The following GAK variants were observed in gnomAD, a reference collection of about 807,000 sequenced individuals.
GAK encodes cyclin G associated kinase, also known as cyclin-G-associated kinase.
In GAK, 79 loss-of-function variants were observed where a neutral mutation model predicts 143.9. The observed-to-expected ratio is 0.55, with a 90% CI of 0.46 to 0.66. GAK has a LOEUF of 0.66. Among genes scored for constraint, GAK ranks in the 30% least tolerant of loss-of-function variants. GAK has a pLI of 0.00. For synonymous variants in GAK, 881 were observed against 765.5 expected, an observed-to-expected ratio of 1.15 and a Z score of -2.49; for missense variants, 1,693 against 1,779.7, an observed-to-expected ratio of 0.95 and a Z score of 0.88.
chr4:890,771 C>T, intron 9 of GAK, 149 bp from the exon 10 acceptor site: 1 of 628,892 alleles, frequency 1.6e-6, no homozygotes, highest in Non-Finnish European at 2.7e-6. Context: ...TTCCCACAGG[C>T]TGAAGCATCA....
chr4:859,283 C>T, intron 24 of GAK: 1 of 1,273,644 alleles, frequency 7.9e-7, no homozygotes, highest in Non-Finnish European at 1.0e-6. Context: ...GAGCAGAGCC[C>T]AGCTACACCC....
intron 1 of GAK, among the ~76,000 whole-genome samples, chr4:924,138 T>G (rs1255504591): frequency 1.5e-5 from 2 of 133,106 alleles, no homozygotes; most frequent in Non-Finnish European, 3.0e-5. Context: ...TGAGCCAAGA[T>G]GGAGCCACTG....
intron 1 of GAK, among the ~76,000 whole-genome samples, chr4:920,176 C>T (rs1409073623): frequency 1.3e-5 from 2 of 151,750 alleles, no homozygotes; most frequent in South Asian, 2.1e-4. Context: ...GGTATGGTGG[C>T]GGGCACCTGT....
intron 1 of GAK, among the ~76,000 whole-genome samples, chr4:920,243 G>C (rs1385754811): frequency 6.6e-6 from 1 of 151,630 alleles, no homozygotes; most frequent in Non-Finnish European, 1.5e-5. Context: ...GGGAGGCGGA[G>C]GTTGCAGTGA....
intron 5 of GAK, among the ~76,000 whole-genome samples, chr4:901,365 CCTTGGGCCTCCCACCCGGGGCACA>C (rs1215729675): frequency 6.6e-6 from 1 of 150,668 alleles, no homozygotes; most frequent in Admixed American, 6.6e-5. Flanking sequence ...AGAGCCACGG[CCTTGGGCCTCCCACCCGGGGCACA>C]CGTGGAGAGC....
At position 926,195 on chromosome 4, in the gene GAK, A is replaced by C. The variant is rs547147655; in HGVS notation, c.145+5848T>G. On this transcript the variant is annotated intron_variant, in intron 1 of 27. Transcript: ENST00000314167. ...AGTGACCTCCCCCAATGGTGAGCCC[A>C]CCCATGGGGTCCTCCCCAAGAGTGA... Among the ~76,000 whole-genome samples, 251 of 152,122 alleles carry C rather than the reference A, an allele frequency of 1.6e-3. 1 individual carries two copies. The highest frequency in any genetic ancestry group is 5.6e-3 in the African/African-American group (232 of 41,504).
intron 24 of GAK, 108 bp downstream of exon 24, chr4:859,498 G>A (rs527531712): frequency 5.0e-6 from 8 of 1,599,840 alleles, no homozygotes; most frequent in Admixed American, 3.3e-5. Context: ...GGGGGTCTTA[G>A]TGAACAGAGG....
In GAK at chr4:896,660, C is replaced by T. The variant is rs1420459877; in HGVS notation, c.652-111G>A. The T allele has an allele frequency of 5.0e-6, 4 of 803,074 alleles. No homozygotes were observed. The African/African-American group carries it at 5.1e-5, about 10-fold the overall frequency. The allele number at this position is 803,074 out of a possible 1,614,324, so 49.7% of individuals were successfully genotyped here. A position where few individuals can be genotyped will look rare whatever the true frequency, so the allele number is the denominator to read the frequency against. Reference sequence around the variant, plus strand: ...AATGCACAGCAGACTGAGGGGCAGCCTGTCCCGCACACTATGCCCCGGGAT... The same window carrying T: ...AATGCACAGCAGACTGAGGGGCAGCTTGTCCCGCACACTATGCCCCGGGAT... On this transcript the variant is annotated intron_variant, in intron 6 of 27. Transcript: ENST00000314167.
intron 8 of GAK, 105 bp downstream of exon 8, chr4:893,769 A>T: frequency 7.6e-7 from 1 of 1,311,660 alleles, no homozygotes; most frequent in Non-Finnish European, 1.0e-6. Flanking sequence ...GACGGGCGGG[A>T]GTGGGGCCAG....
chr4:911,653 C>G lies in GAK; in HGVS notation c.382+20G>C, dbSNP rs375179978. On this transcript the variant is annotated intron_variant, in intron 4 of 27. Coordinates refer to ENST00000314167, the MANE Select transcript of GAK (RefSeq NM_005255.4). ...TCTGCTGGGTTAGATGGCACCAAGC[C>G]GGCCTTCACAGGACGTTACCTTTAC... 2 of 1,576,374 alleles carry G rather than the reference C, an allele frequency of 1.3e-6. No individual in the cohort carries two copies. The highest frequency in any genetic ancestry group is 2.2e-5 in the South Asian group (2 of 90,318).
chr4:915,820 T>C (rs1002225030), intron 1 of GAK: 2 of 152,194 alleles, frequency 1.3e-5, no homozygotes, highest in African/African-American at 4.8e-5. Context: ...GGGATCCTTG[T>C]TCTCACCACT....
At chr4:868,148 C>G (rs56986122) in intron 20 of GAK, among the ~76,000 whole-genome samples, 38,383 of 151,924 alleles carry the variant, frequency 0.25, 4,942 homozygotes, top group Non-Finnish European at 0.27. Context: ...GGGCTGGGAG[C>G]CCACTGGGGG....
In GAK at chr4:889,075, C is replaced by T. The variant is rs2152841194; in HGVS notation, c.1082-105G>A. 6 of 1,370,838 alleles carry T rather than the reference C, an allele frequency of 4.4e-6. No individual in the cohort carries two copies. In the East Asian group the frequency reaches 1.3e-4, roughly 29 times the overall value. The allele number at this position is 1,370,838 out of a possible 1,614,324, so 84.9% of individuals were successfully genotyped here. On this transcript the variant is annotated intron_variant, in intron 10 of 27. Coordinates refer to ENST00000314167, the MANE Select transcript of GAK (RefSeq NM_005255.4). ...CCCCAGGCGCTCGGTCCCACCTCCC[C>T]AGGCGCTCGGTCCCACCTCCCCAGG... is the stretch of plus-strand genomic sequence containing the variant.
chr4:896,390 G>T (rs2152875228), intron 7 of GAK, 70 bp downstream of exon 7: 1 of 1,214,068 alleles, frequency 8.2e-7, no homozygotes, highest in Non-Finnish European at 1.2e-6. Flanking sequence ...CAGGTGCCCG[G>T]CCCACGCCGC....
rs530748121 is a variant in GAK, at chr4:880,317, C to T, written c.1661+1590G>A. ...GAGGGTCCTCTTTCCACGGCTCTGA[C>T]GAATGCCCCACTGGACCGTGCACTC... On this transcript the variant is annotated intron_variant, in intron 15 of 27. Transcript: ENST00000314167. Among the ~76,000 whole-genome samples, 7 of 152,054 alleles carry T rather than the reference C, an allele frequency of 4.6e-5. No homozygotes were observed. The South Asian group carries it at 1.5e-3, about 32-fold the overall frequency.
At chr4:884,122 G>GA in intron 11 of GAK, 36 bp from the exon 12 acceptor site, 1 of 1,583,752 alleles carries the variant, frequency 6.3e-7, no homozygotes, top group Non-Finnish European at 8.7e-7. Flanking sequence ...GTTATGACAA[G>GA]AAACACTCCG....
rs920538763 is a variant in GAK, at chr4:906,484, C to A, written c.383-1705G>T. Among the ~76,000 whole-genome samples the A allele has an allele frequency of 1.3e-4, 20 of 152,236 alleles. 4 individuals carry two copies. The highest frequency in any genetic ancestry group is 1.9e-4 in the East Asian group (1 of 5,168). Reference sequence around the variant, plus strand: ...GGCAGCACGCAGGGCTGAGGACCTGCTGGGGACTGAAGCATTCACACTGCC... The same window carrying A: ...GGCAGCACGCAGGGCTGAGGACCTGATGGGGACTGAAGCATTCACACTGCC... On this transcript the variant is annotated intron_variant, in intron 4 of 27. Coordinates refer to ENST00000314167, the MANE Select transcript of GAK (RefSeq NM_005255.4).
intron 4 of GAK, among the ~76,000 whole-genome samples, chr4:908,397 T>C (rs1721459084): frequency 6.6e-6 from 1 of 152,124 alleles, no homozygotes; most frequent in African/African-American, 2.4e-5. Flanking sequence ...AGCAGGGTGC[T>C]CTCGCCAGCG....
chr4:874,134 T>TGC (rs1553874600), intron 18 of GAK, among the ~76,000 whole-genome samples: 64 of 151,908 alleles, frequency 4.2e-4, no homozygotes, highest in Non-Finnish European at 7.5e-4. Context: ...TGTGTGTGTG[T>TGC]GCGCGCTGGT....
Sources: allele counts gnomAD v4.1 joint callset (sites outside exome capture counted in the v4.1 genomes callset), GRCh38; gene constraint gnomAD v4.1.1; transcripts MANE v1.5; gene names NCBI Gene and HGNC (gene_info 2026-07-23, HGNC 2026-07-21).